The following CASKIN1 variants were observed in gnomAD, a reference collection of about 807,000 sequenced individuals.
CASKIN1 encodes caskin-1.
In CASKIN1, 42 loss-of-function variants were observed where a neutral mutation model predicts 117.5. The ratio of observed to expected loss-of-function variants is 0.36; its 90% CI spans 0.28 to 0.46. The LOEUF (loss-of-function observed/expected upper bound fraction) is 0.46. Among genes scored for constraint, CASKIN1 ranks in the 20% least tolerant of loss-of-function variants. The probability of loss-of-function intolerance (pLI) is 1.00; values close to 1 mark genes in which losing one functional copy is unlikely to be tolerated. For synonymous variants in CASKIN1, 1,148 were observed against 961.7 expected, an observed-to-expected ratio of 1.19 and a Z score of -3.59; for missense variants, 2,083 against 2,077.3, an observed-to-expected ratio of 1.00 and a Z score of -0.05.
At chr16:2,192,083 G>A (rs1356902124) in intron 1 of CASKIN1, among the ~76,000 whole-genome samples, 1 of 152,180 alleles carries the variant, frequency 6.6e-6, no homozygotes, top group South Asian at 2.1e-4. Context: ...CTTGCAGCCA[G>A]GAGTTCAAGA....
Position 2,183,711 on chromosome 16 carries a change from G to A in CASKIN1, c.1564C>T (p.Arg522Trp), listed in dbSNP as rs905038458. 6.1e-5 allele frequency: 98 copies of A among 1,613,250 alleles called. No individual in the cohort carries two copies. The highest frequency in any genetic ancestry group is 8.0e-5 in the Non-Finnish European group (94 of 1,179,980). ...CTGATCTCTGCCGCGATCTTCTTCC[G>A]GTGGCCCGGCTTGGTGACACCAATG... Reference protein sequence around the residue: ...TAIGVTKPGHRKKIAAEISGL... With the variant: ...TAIGVTKPGHWKKIAAEISGL... The change falls in exon 16 of 20, where the codon CGG (arginine) becomes TGG (tryptophan). Residue 522 changes from arginine (R) to tryptophan (W), a missense_variant. Physicochemically the swap from Arg to Trp is moderately radical, Grantham distance 101 (BLOSUM62 -3). Transcript: ENST00000343516.
At position 2,189,138 on chromosome 16, in the gene CASKIN1, C is replaced by T. The variant is rs2093193486; in HGVS notation, c.506G>A (p.Ser169Asn). Residue 169 changes from serine (S) to asparagine (N), a missense_variant, in exon 6 of 20, where the codon AGC (serine) becomes AAC (asparagine). By Grantham distance (46) the Ser-to-Asn change is conservative. Around this residue, in one of 3 missense-constraint regions of CASKIN1, gnomAD observed 203 missense variants for 338.7 expected, o/e 0.60. Coordinates refer to ENST00000343516, the MANE Select transcript of CASKIN1 (RefSeq NM_020764.4). Reference sequence around the variant, plus strand: ...CAGCAGCGCCGCACACATATTGCTGCTGAGGAGCAGCTGGACCACCTTGAA... The same window carrying T: ...CAGCAGCGCCGCACACATATTGCTGTTGAGGAGCAGCTGGACCACCTTGAA... ...GRVGVVQLLL[S>N]SNMCAALLEP... 1.2e-6 allele frequency: 2 copies of T among 1,612,940 alleles called. No individual in the cohort carries two copies. The highest frequency in any genetic ancestry group is 1.7e-5 in the Admixed American group (1 of 59,956).
At chr16:2,188,891 C>G in intron 6 of CASKIN1, 136 bp downstream of exon 6, 6 of 1,294,296 alleles carry the variant, frequency 4.6e-6, no homozygotes, top group Non-Finnish European at 6.3e-6. Flanking sequence ...GAGGCCATGC[C>G]AGAGGCCTGA....
At chr16:2,183,776 G>A in intron 15 of CASKIN1, 29 bp from the exon 16 acceptor site, 2 of 1,612,568 alleles carry the variant, frequency 1.2e-6, no homozygotes, top group East Asian at 2.2e-5. Context: ...TGTCAGCTAG[G>A]GGCTGGGCCC....
In CASKIN1 at chr16:2,181,381, C is replaced by T. The variant is rs746622706; in HGVS notation, c.1987G>A (p.Ala663Thr). The change falls in exon 18 of 20, where the codon GCT becomes ACT. Residue 663 changes from alanine to threonine, a missense_variant. Ala to Thr is a moderately conservative substitution (Grantham distance 58). Transcript: ENST00000343516. ...ACCTCAGCCGGGCCAGTCATGGCAG[C>T]CTGCAGCTCGTCACTGAGCTCGCTG... ...QDSELSDELQAAMTGPAEVGP... is the reference protein window; with the variant it reads ...QDSELSDELQTAMTGPAEVGP... 6 of 1,609,312 alleles carry T rather than the reference C, an allele frequency of 3.7e-6. No homozygotes were observed. In the African/African-American group the frequency reaches 6.7e-5, roughly 18 times the overall value.
Position 2,178,478 on chromosome 16 carries a change from C to A in CASKIN1, c.*72G>T. ...CGGCCGCTCGCGCCGCGCCCAGACG[C>A]GCCCATCCTGAGGTATAGGTCAGTG... is the stretch of plus-strand genomic sequence containing the variant. On this transcript the variant is annotated 3_prime_UTR_variant, in exon 20 of 20. Coordinates refer to ENST00000343516, the MANE Select transcript of CASKIN1 (RefSeq NM_020764.4). 1 of 1,252,240 alleles carries A rather than the reference C, an allele frequency of 8.0e-7. No homozygotes were observed. Among genetic ancestry groups the A allele is most frequent in the East Asian group, 3.1e-5 (1 of 32,718 alleles). The allele number at this position is 1,252,240 out of a possible 1,614,324, so 77.6% of individuals were successfully genotyped here.
In CASKIN1 at chr16:2,196,456, G is replaced by A. The variant is rs892755307; in HGVS notation, c.-24C>T. On this transcript the variant is annotated 5_prime_UTR_variant, in exon 1 of 20. Coordinates refer to ENST00000343516, the MANE Select transcript of CASKIN1 (RefSeq NM_020764.4). The surrounding 1 kb of genome is among the most constrained non-coding windows in gnomAD (Gnocchi z 5.7). ...ATGGCGCGGCCGGGGCCGCAGCGAC[G>A]CGGCTGCGCTCGTGAGCTCGGCGCG... 3 of 1,181,416 alleles carry A rather than the reference G, an allele frequency of 2.5e-6. No homozygotes were observed. Among genetic ancestry groups the A allele is most frequent in the African/African-American group, 3.3e-5 (2 of 60,736 alleles). 73.2% of individuals were successfully genotyped at this position (1,181,416 alleles called of 1,614,324 possible).
intron 1 of CASKIN1, among the ~76,000 whole-genome samples, chr16:2,191,984 G>A (rs879433690): frequency 3.3e-5 from 5 of 152,208 alleles, no homozygotes; most frequent in East Asian, 1.9e-4. Flanking sequence ...CCACCCCGTC[G>A]GGGTTCCCTG....
chr16:2,190,255 C>T (rs2093197765), intron 2 of CASKIN1, 52 bp downstream of exon 2: 2 of 1,582,978 alleles, frequency 1.3e-6, no homozygotes, highest in East Asian at 2.3e-5. Context: ...ACCTAGGCCT[C>T]TCTAGGAGCC....
intron 1 of CASKIN1, among the ~76,000 whole-genome samples, chr16:2,193,402 C>T (rs2093206426): frequency 6.6e-6 from 1 of 152,198 alleles, no homozygotes; most frequent in South Asian, 2.1e-4. Flanking sequence ...TACCACCATC[C>T]CTTGCCATTA....
chr16:2,181,212 C>A lies in CASKIN1; in HGVS notation c.2156G>T (p.Ser719Ile). 1 of 1,584,422 alleles carries A rather than the reference C, an allele frequency of 6.3e-7. No homozygotes were observed. The highest frequency in any genetic ancestry group is 1.8e-5 in the Admixed American group (1 of 55,404). ...GTACTCCTGGCTTCGAGACATGGGGCTGCTGGGCCCAGGGGGCCCATCTCC... is the reference window on the plus strand; with the variant it reads ...GTACTCCTGGCTTCGAGACATGGGGATGCTGGGCCCAGGGGGCCCATCTCC... The part of the protein sequence containing the change: ...LLGDGPPGPS[S>I]PMSRSQEYLL... The change falls in exon 18 of 20, where the codon AGC (serine) becomes ATC (isoleucine). Residue 719 changes from serine to isoleucine, a missense_variant. Physicochemically the swap from Ser to Ile is moderately radical, Grantham distance 142. Coordinates refer to ENST00000343516, the MANE Select transcript of CASKIN1 (RefSeq NM_020764.4).
chr16:2,178,419 A>C lies in CASKIN1; in HGVS notation c.*131T>G, dbSNP rs930181784. 8.2e-6 allele frequency: 5 copies of C among 611,530 alleles called. No homozygotes were observed. The highest frequency in any genetic ancestry group is 8.0e-5 in the African/African-American group (4 of 50,052). The allele number at this position is 611,530 out of a possible 1,614,324, so 37.9% of individuals were successfully genotyped here. A position where few individuals can be genotyped will look rare whatever the true frequency, so the allele number is the denominator to read the frequency against. The stretch of plus-strand genomic sequence containing the variant: ...CCGGTGGGCGCCCCGGCCCGGGTCC[A>C]GGGGCCGGAGTTGTGCTTCTGCAGG... On this transcript the variant is annotated 3_prime_UTR_variant, in exon 20 of 20. Coordinates refer to ENST00000343516, the MANE Select transcript of CASKIN1 (RefSeq NM_020764.4).
chr16:2,194,071 C>T (rs746714234), intron 1 of CASKIN1, among the ~76,000 whole-genome samples: 1 of 152,200 alleles, frequency 6.6e-6, no homozygotes, highest in South Asian at 2.1e-4. Context: ...CCAGCCCTCT[C>T]ACTGCTATCC....
At chr16:2,189,705 A>C (rs1201334280) in intron 3 of CASKIN1, 141 bp from the exon 4 acceptor site, 3 of 822,152 alleles carry the variant, frequency 3.6e-6, no homozygotes, top group Non-Finnish European at 5.5e-6. Flanking sequence ...TTCTGACACC[A>C]AGCCCAACCC....
In CASKIN1 at chr16:2,196,376, C is replaced by A. The variant is rs1321336117; in HGVS notation, c.57G>T (p.Ala19=). Residue 19 remains alanine (A), a synonymous_variant, in exon 1 of 20, where the codon GCG becomes GCT. Transcript: ENST00000343516. This position sits in a 1 kb window ranked among gnomAD's most constrained non-coding sequence, Gnocchi z 5.7. ...QAVKAEDVGT[A]QRLLQRPRPG... is the part of the protein sequence containing the mutation. ...GCCGCGGCCTCTGCAGCAGCCTCTGCGCGGTCCCTACGTCCTCCGCCTTCA... is the reference window on the plus strand; with the variant it reads ...GCCGCGGCCTCTGCAGCAGCCTCTGAGCGGTCCCTACGTCCTCCGCCTTCA... The A allele has an allele frequency of 2.9e-6, 4 of 1,366,264 alleles. No homozygotes were observed. Among genetic ancestry groups the A allele is most frequent in the Admixed American group, 2.4e-5 (1 of 42,392 alleles). The allele number at this position is 1,366,264 out of a possible 1,614,324, so 84.6% of individuals were successfully genotyped here. A position where few individuals can be genotyped will look rare whatever the true frequency, so the allele number is the denominator to read the frequency against.
At position 2,178,527 on chromosome 16, in the gene CASKIN1, G is replaced by A. The variant is rs1178385204; in HGVS notation, c.*23C>T. On this transcript the variant is annotated 3_prime_UTR_variant, in exon 20 of 20. Coordinates refer to ENST00000343516, the MANE Select transcript of CASKIN1 (RefSeq NM_020764.4). ...TGTGCGGGGAGGGCCCGGGCGGCGC[G>A]GGAGGGCCCGGCCAGGCGGCGTTCA... is the stretch of plus-strand genomic sequence containing the variant. 5.2e-6 allele frequency: 8 copies of A among 1,550,210 alleles called. No homozygotes were observed. The highest frequency in any genetic ancestry group is 1.2e-5 in the South Asian group (1 of 85,358).
Position 2,182,642 on chromosome 16 carries a change from G to A in CASKIN1, c.1630-713C>T, listed in dbSNP as rs1031610890. 4.6e-5 allele frequency among the ~76,000 whole-genome samples: 7 copies of A among 152,202 alleles called. No individual in the cohort carries two copies. The highest frequency in any genetic ancestry group is 4.1e-4 in the South Asian group (2 of 4,836). On this transcript the variant is annotated intron_variant, in intron 16 of 19. Coordinates refer to ENST00000343516, the MANE Select transcript of CASKIN1 (RefSeq NM_020764.4). This position sits in a 1 kb window ranked among gnomAD's most constrained non-coding sequence, Gnocchi z 4.1. ...CAAGGCAGGGTGAGTGCAGACCCACGCGCCAGGTGGCTTTTGACAGCCACC... is the reference window on the plus strand; with the variant it reads ...CAAGGCAGGGTGAGTGCAGACCCACACGCCAGGTGGCTTTTGACAGCCACC...
chr16:2,191,251 G>A (rs1187550278), intron 1 of CASKIN1, among the ~76,000 whole-genome samples: 1 of 152,206 alleles, frequency 6.6e-6, no homozygotes. Context: ...AGGAGCTGAG[G>A]GCAGGGGAGT....
intron 1 of CASKIN1, among the ~76,000 whole-genome samples, chr16:2,195,973 TG>T (rs1023855828): frequency 2.4e-5 from 3 of 123,860 alleles, no homozygotes; most frequent in East Asian, 2.4e-4. Context: ...GTGTGGTGGG[TG>T]GGGGGGGCAT....
Sources: allele counts gnomAD v4.1 joint callset (sites outside exome capture counted in the v4.1 genomes callset), GRCh38; gene constraint gnomAD v4.1.1; regional missense constraint gnomAD v4.1.1; non-coding constraint Gnocchi (gnomAD v3.1); transcripts MANE v1.5; gene names NCBI Gene and HGNC (gene_info 2026-07-23, HGNC 2026-07-21).